Variants in CA14 observed in about 807,000 individuals in gnomAD.
CA14 encodes carbonic anhydrase 14, also known as CA-XIV.
CA14 carries 44 observed loss-of-function variants against 48.8 expected under a neutral mutation model. The observed-to-expected ratio is 0.90, with a 90% CI of 0.71 to 1.16. The LOEUF (loss-of-function observed/expected upper bound fraction) is 1.16. Ranked by LOEUF, CA14 falls within the 50% of genes most tolerant of loss-of-function variation. CA14 has a pLI of 0.00. For synonymous variants in CA14, 154 were observed against 155.0 expected (o/e 0.99, Z 0.05); for missense variants, 386 against 401.0 (o/e 0.96, Z 0.32).
intron 8 of CA14, 94 bp from the exon 9 acceptor site, chr1:150,263,565 C>T: frequency 6.2e-7 from 1 of 1,611,650 alleles, no homozygotes; most frequent in South Asian, 1.1e-5. Context: ...CCAGGGTGCC[C>T]CCGGGGGATT....
At chr1:150,261,232 C>T in intron 2 of CA14, 1 of 554,372 alleles carries the variant, frequency 1.8e-6, no homozygotes, top group Non-Finnish European at 3.2e-6. Flanking sequence ...GTTGGGGAAT[C>T]ATCACTGCCT....
Position 150,261,656 on chromosome 1 carries a change from A to T in CA14, c.256+18A>T. On this transcript the variant is annotated intron_variant, in intron 3 of 10. Transcript: ENST00000369111. ...CCACACAGGTAAAAGCACAGGCTCC[A>T]AGGAGTTGTAGGCTCCAGCTCAGAT... 1 of 1,610,696 alleles carries T rather than the reference A, an allele frequency of 6.2e-7. No homozygotes were observed. Among genetic ancestry groups the T allele is most frequent in the Non-Finnish European group, 8.5e-7 (1 of 1,177,914 alleles).
intron 3 of CA14, 48 bp downstream of exon 3, chr1:150,261,686 G>A: frequency 2.1e-5 from 32 of 1,558,918 alleles, no homozygotes; most frequent in Non-Finnish European, 2.8e-5. Context: ...TCAGATCTTA[G>A]GAGTCAGATC....
chr1:150,258,690 C>T (rs1650749091), intron 1 of CA14, among the ~76,000 whole-genome samples: 1 of 152,210 alleles, frequency 6.6e-6, no homozygotes, highest in Non-Finnish European at 1.5e-5. Flanking sequence ...CCCAGTTATC[C>T]TCTGAAAGTG....
chr1:150,263,695 A>C lies in CA14; in HGVS notation c.862+16A>C, dbSNP rs1553848577. 1.9e-6 allele frequency: 3 copies of C among 1,613,960 alleles called. No homozygotes were observed. The highest frequency in any genetic ancestry group is 2.5e-6 in the Non-Finnish European group (3 of 1,179,974). The stretch of plus-strand genomic sequence containing the variant: ...TATACCACAGGTAAGCCAGCCTTAT[A>C]AGATAATGCGGGGAGGGGAGGTGTC... On this transcript the variant is annotated intron_variant, in intron 9 of 10. Transcript: ENST00000369111.
At position 150,260,166 on chromosome 1, in the gene CA14, A is replaced by C. The variant is rs182255669; in HGVS notation, c.71A>C (p.Tyr24Ser). Residue 24 changes from tyrosine to serine, a missense_variant, in exon 2 of 11, where the codon TAT becomes TCT. By Grantham distance (144) the Tyr-to-Ser change is moderately radical. Coordinates refer to ENST00000369111, the MANE Select transcript of CA14 (RefSeq NM_012113.3). The stretch of plus-strand genomic sequence containing the variant: ...TGCCTTGCAGGTCAACACTGGACGT[A>C]TGAGGGTGAGCAGATCTCAAGGCCT... ...LAADGGQHWTYEGPHGQDHWP... is the reference protein window; with the variant it reads ...LAADGGQHWTSEGPHGQDHWP... The C allele has an allele frequency of 1.9e-6, 3 of 1,613,904 alleles. No individual in the cohort carries two copies. Among genetic ancestry groups the C allele is most frequent in the East Asian group, 2.2e-5 (1 of 44,868 alleles).
intron 5 of CA14, 53 bp from the exon 6 acceptor site, chr1:150,262,751 C>A: frequency 1.4e-6 from 2 of 1,472,958 alleles, no homozygotes; most frequent in Non-Finnish European, 1.9e-6. Context: ...ACATAAATTT[C>A]TTATTCCAAA....
At chr1:150,260,804 G>T (rs940561570) in intron 2 of CA14, 1 of 122,952 alleles carries the variant, frequency 8.1e-6, no homozygotes, top group East Asian at 2.7e-4. Context: ...CTGTCACCCA[G>T]GCTGGAGTGC....
Position 150,262,603 on chromosome 1 carries a change from C to G in CA14, c.478C>G (p.Leu160Val). The change falls in exon 5 of 11, where the codon CTG (leucine) becomes GTG (valine). Residue 160 changes from leucine to valine, a missense_variant. Transcript: ENST00000369111. ...TGAGAGGCCTCAGGGCCTGGCTGTCCTGGGCATCCTAATTGAGGTCAGTAG... is the reference window on the plus strand; with the variant it reads ...TGAGAGGCCTCAGGGCCTGGCTGTCGTGGGCATCCTAATTGAGGTCAGTAG... ...AAERPQGLAV[L>V]GILIEVGETK... The G allele has an allele frequency of 6.2e-7, 1 of 1,613,452 alleles. No individual in the cohort carries two copies. The highest frequency in any genetic ancestry group is 8.5e-7 in the Non-Finnish European group (1 of 1,179,388).
chr1:150,262,135 C>T (rs782300416), intron 3 of CA14, 23 bp from the exon 4 acceptor site: 13 of 1,613,834 alleles, frequency 8.1e-6, no homozygotes, highest in Admixed American at 6.7e-5. Flanking sequence ...TCCACCAATC[C>T]GAGTTTGCTC....
At chr1:150,263,516 G>A (rs1324847952) in intron 8 of CA14, 97 bp downstream of exon 8, 1 of 1,606,414 alleles carries the variant, frequency 6.2e-7, no homozygotes, top group Non-Finnish European at 8.5e-7. Context: ...AGGGGAGGGG[G>A]TTTCTGGGAC....
chr1:150,263,022 T>A lies in CA14; in HGVS notation c.563-20T>A. On this transcript the variant is annotated intron_variant, in intron 6 of 10. Transcript: ENST00000369111. ...TAGGGCACACTGAAAGGAAGATGAG[T>A]CCCAGTCTGTTCTCCCCAGATCAGA... is the stretch of plus-strand genomic sequence containing the variant. 6.2e-7 allele frequency: 1 copy of A among 1,613,424 alleles called. No homozygotes were observed. Among genetic ancestry groups the A allele is most frequent in the Non-Finnish European group, 8.5e-7 (1 of 1,179,662 alleles).
chr1:150,259,429 C>A (rs1414592337), intron 1 of CA14, among the ~76,000 whole-genome samples: 1 of 152,110 alleles, frequency 6.6e-6, no homozygotes, highest in Admixed American at 6.6e-5. Context: ...CTCTTCTCTA[C>A]ACACAATGCT....
chr1:150,262,068 G>C lies in CA14; in HGVS notation c.257-90G>C, dbSNP rs1260005918. On this transcript the variant is annotated intron_variant, in intron 3 of 10. Transcript: ENST00000369111. The stretch of plus-strand genomic sequence containing the variant: ...GCTACTGGGGGAGAAAACTGGAAGA[G>C]GGCCAAGTCTCCCAAGAAGTGGTGG... 5.4e-6 allele frequency: 8 copies of C among 1,488,110 alleles called. No homozygotes were observed. The Admixed American group carries it at 1.4e-4, about 26-fold the overall frequency. The allele number at this position is 1,488,110 out of a possible 1,614,324, so 92.2% of individuals were successfully genotyped here.
chr1:150,257,904 A>C lies in CA14; in HGVS notation c.-225A>C. 3 of 366,842 alleles carry C rather than the reference A, an allele frequency of 8.2e-6. No homozygotes were observed. Among genetic ancestry groups the C allele is most frequent in the Non-Finnish European group, 1.5e-5 (3 of 199,330 alleles). 22.7% of individuals were successfully genotyped at this position (366,842 alleles called of 1,614,324 possible). A position where few individuals can be genotyped will look rare whatever the true frequency, so the allele number is the denominator to read the frequency against. Reference sequence around the variant, plus strand: ...AGAGAGAGGGCAAAGAGGCAGCAAGAGATTTGTCCTGGGGATCCAGAAACC... The same window carrying C: ...AGAGAGAGGGCAAAGAGGCAGCAAGCGATTTGTCCTGGGGATCCAGAAACC... On this transcript the variant is annotated 5_prime_UTR_variant, in exon 1 of 11. Transcript: ENST00000369111.
chr1:150,258,250 T>A, intron 1 of CA14, 67 bp downstream of exon 1: 1 of 1,349,542 alleles, frequency 7.4e-7, no homozygotes, highest in Non-Finnish European at 1.0e-6. Flanking sequence ...GTGTGCTTAA[T>A]GGGGGGAGGA....
At chr1:150,258,497 G>A (rs1650735157) in intron 1 of CA14, among the ~76,000 whole-genome samples, 2 of 152,130 alleles carry the variant, frequency 1.3e-5, no homozygotes, top group South Asian at 4.1e-4. Flanking sequence ...CCTGGTCCCA[G>A]GCAGGACTCC....
At position 150,263,184 on chromosome 1, in the gene CA14, G is replaced by A. The variant is rs1553848354; in HGVS notation, c.705G>A (p.Gln235=). 1 of 1,614,154 alleles carries A rather than the reference G, an allele frequency of 6.2e-7. No individual in the cohort carries two copies. Among genetic ancestry groups the A allele is most frequent in the Non-Finnish European group, 8.5e-7 (1 of 1,180,032 alleles). The change falls in exon 7 of 11, where the codon CAG becomes CAA. Residue 235 remains glutamine, a synonymous_variant. Coordinates refer to ENST00000369111, the MANE Select transcript of CA14 (RefSeq NM_012113.3). ...VLWTVFYRRS[Q]ISMEQLEKLQ... The stretch of plus-strand genomic sequence containing the variant: ...GGACAGTTTTTTATAGAAGGTCCCA[G>A]ATTTCAATGGAACAGGTAAGTGGTG...
At chr1:150,263,592 CAG>C (rs1238997692) in intron 8 of CA14, 65 bp from the exon 9 acceptor site, 47 of 1,612,348 alleles carry the variant, frequency 2.9e-5, no homozygotes, top group Middle Eastern at 2.1e-4. Context: ...GGCACAGCAG[CAG>C]AGAGTGCTGC....
Sources: allele counts gnomAD v4.1 joint callset (sites outside exome capture counted in the v4.1 genomes callset), GRCh38; gene constraint gnomAD v4.1.1; transcripts MANE v1.5; gene names NCBI Gene and HGNC (gene_info 2026-07-23, HGNC 2026-07-21).